The following FTCD variants were observed in gnomAD, a reference collection of about 807,000 sequenced individuals.
FTCD encodes formimidoyltransferase cyclodeaminase.
Under a neutral mutation model 62.9 loss-of-function variants are expected in FTCD, and 76 were observed. That is an observed-to-expected ratio of 1.21 (90% CI 1.00 to 1.46). The LOEUF (loss-of-function observed/expected upper bound fraction) is 1.46. FTCD is among the 40% of genes most tolerant of loss of function. The pLI, the probability that FTCD is intolerant of heterozygous loss-of-function variation, is 0.00. For missense variants in FTCD, 845 were observed against 751.3 expected (o/e 1.12, Z -1.46); for synonymous variants, 397 against 336.9 (o/e 1.18, Z -1.95).
intron 7 of FTCD, among the ~76,000 whole-genome samples, chr21:46,147,096 TG>T (rs2079164979): frequency 6.6e-6 from 1 of 152,228 alleles, no homozygotes; most frequent in Non-Finnish European, 1.5e-5. Context: ...AGCCTGGAGC[TG>T]GGTCTGCCCT....
At chr21:46,141,407 A>C (rs2079002884) in intron 10 of FTCD, among the ~76,000 whole-genome samples, 1 of 152,062 alleles carries the variant, frequency 6.6e-6, no homozygotes, top group Admixed American at 6.5e-5. Flanking sequence ...TTGGTTTTCC[A>C]AAATGCTAGG....
chr21:46,145,809 C>G lies in FTCD; in HGVS notation c.1098+9G>C. 5.1e-6 allele frequency: 5 copies of G among 973,772 alleles called. No homozygotes were observed. The highest frequency in any genetic ancestry group is 6.9e-6 in the Non-Finnish European group (5 of 727,434). 60.3% of individuals were successfully genotyped at this position (973,772 alleles called of 1,614,324 possible). A position where few individuals can be genotyped will look rare whatever the true frequency, so the allele number is the denominator to read the frequency against. On this transcript the variant is annotated intron_variant, in intron 9 of 13. Transcript: ENST00000397746. ...ACTGCGCCTCCCCTGCCCCTCCCCC[C>G]GCGCTCACCATGGCCGCAGCGGCCG...
In FTCD at chr21:46,137,325, T is replaced by C. The variant is rs2078892975; in HGVS notation, c.1453A>G (p.Lys485Glu). ...CCAAACACGCCCATCTCCAGGGCTTTGGCCGCCACCTGCAAGGACCCCAGG... is the reference window on the plus strand; with the variant it reads ...CCAAACACGCCCATCTCCAGGGCTTCGGCCGCCACCTGCAAGGACCCCAGG... Reference protein sequence around the residue: ...ACRSDLQVAAKALEMGVFGAY... With the variant: ...ACRSDLQVAAEALEMGVFGAY... Residue 485 changes from lysine (K) to glutamate (E), a missense_variant, in exon 13 of 14, where the codon AAA becomes GAA. Lys to Glu is a moderately conservative substitution (Grantham distance 56). Coordinates refer to ENST00000397746, the MANE Select transcript of FTCD (RefSeq NM_206965.2). The C allele has an allele frequency of 2.5e-6, 4 of 1,613,300 alleles. No individual in the cohort carries two copies. The highest frequency in any genetic ancestry group is 1.7e-5 in the Admixed American group (1 of 60,012).
At position 46,146,421 on chromosome 21, in the gene FTCD, C is replaced by T. The variant is rs895162736; in HGVS notation, c.907-94G>A. On this transcript the variant is annotated intron_variant, in intron 7 of 13. Transcript: ENST00000397746. ...CGGGTCCCACCCTTGCGGCAGCCGC[C>T]CCCTGCCCCGAGCACACAGGTGCTT... 5 of 858,056 alleles carry T rather than the reference C, an allele frequency of 5.8e-6. No homozygotes were observed. In the South Asian group the frequency reaches 7.1e-5, roughly 12 times the overall value. 53.2% of individuals were successfully genotyped at this position (858,056 alleles called of 1,614,324 possible).
chr21:46,141,884 G>A (rs759491689), intron 10 of FTCD, among the ~76,000 whole-genome samples: 5 of 152,210 alleles, frequency 3.3e-5, no homozygotes, highest in East Asian at 1.9e-4. Context: ...CAGAAAGCAG[G>A]GTTCTGCAAG....
At chr21:46,154,091 A>G in intron 2 of FTCD, 58 bp downstream of exon 2, 1 of 1,570,096 alleles carries the variant, frequency 6.4e-7, no homozygotes, top group South Asian at 1.1e-5. Context: ...ACACCAGGAC[A>G]GGGCTCGGCC....
At chr21:46,136,500 C>A, downstream of FTCD, 1 of 1,612,426 alleles carries the variant, frequency 6.2e-7, no homozygotes. Flanking sequence ...GGTTTCTGTC[C>A]CATGCACAGA....
In FTCD at chr21:46,155,572, G is replaced by A. The variant is rs763109545; in HGVS notation, c.-49C>T. 1.3e-6 allele frequency: 2 copies of A among 1,537,974 alleles called. No individual in the cohort carries two copies. The highest frequency in any genetic ancestry group is 1.1e-5 in the South Asian group (1 of 89,624). The stretch of plus-strand genomic sequence containing the variant: ...TCCTCTCTGGGCAGATGGAAGGACA[G>A]GGCCAGTGCTCCGCAGCCGCCGCCA... On this transcript the variant is annotated 5_prime_UTR_variant, in exon 1 of 14. Transcript: ENST00000397746.
rs2078882613 is a variant in FTCD, at chr21:46,137,005, C to T, written c.1608G>A (p.Leu536=). ...CGCACCGTCACTCCTGCCGGGTCTC[C>T]AAGCAGTCCAGCACCAGTGCAGCCT... is the stretch of plus-strand genomic sequence containing the variant. ...KTQAALVLDC[L]ETRQE is the part of the protein sequence containing the mutation. The change falls in exon 14 of 14, where the codon TTG becomes TTA. Residue 536 remains leucine (L), a synonymous_variant. Transcript: ENST00000397746. 2 of 1,613,510 alleles carry T rather than the reference C, an allele frequency of 1.2e-6. No homozygotes were observed. Among genetic ancestry groups the T allele is most frequent in the Non-Finnish European group, 8.5e-7 (1 of 1,180,006 alleles).
intron 10 of FTCD, among the ~76,000 whole-genome samples, chr21:46,145,169 G>A (rs1248469213): frequency 6.6e-6 from 1 of 152,184 alleles, no homozygotes; most frequent in Non-Finnish European, 1.5e-5. Context: ...CCCTTGTACC[G>A]GCTGCCATGG....
intron 7 of FTCD, among the ~76,000 whole-genome samples, chr21:46,149,727 C>T (rs1019314344): frequency 5.3e-4 from 81 of 152,192 alleles, no homozygotes; most frequent in African/African-American, 2.0e-3. Flanking sequence ...TCTGAAGGAG[C>T]CGCTCCGTGG....
In FTCD at chr21:46,151,552, G is replaced by C. The variant is rs1475731945; in HGVS notation, c.636+6C>G. ...GGGGCTCCATGGGGTCAGTGAACGG[G>C]GTCACCTGGTCCTTCCCGCGGCCCT... is the stretch of plus-strand genomic sequence containing the variant. On this transcript the variant is annotated splice_donor_region_variant and intron_variant, in intron 5 of 13. Transcript: ENST00000397746. 1 of 1,611,114 alleles carries C rather than the reference G, an allele frequency of 6.2e-7. No homozygotes were observed. Among genetic ancestry groups the C allele is most frequent in the Non-Finnish European group, 8.5e-7 (1 of 1,178,606 alleles).
chr21:46,139,255 G>A (rs1396714820), intron 10 of FTCD, among the ~76,000 whole-genome samples: 2 of 152,128 alleles, frequency 1.3e-5, no homozygotes, highest in Non-Finnish European at 2.9e-5. Flanking sequence ...GAGTGGCTCT[G>A]GGCCTGTGTC....
chr21:46,142,692 A>G (rs59140308), intron 10 of FTCD: 39,922 of 152,006 alleles, frequency 0.26, 5,923 homozygotes, highest in East Asian at 0.43. Flanking sequence ...CTTGGAACAG[A>G]ACCCGCCACG....
At chr21:46,140,586 AG>A (rs1336069268) in intron 10 of FTCD, among the ~76,000 whole-genome samples, 1 of 132,842 alleles carries the variant, frequency 7.5e-6, no homozygotes, top group African/African-American at 2.8e-5. Flanking sequence ...CGTGGCTCAC[AG>A]GGAGTGTAAA....
At position 46,151,725 on chromosome 21, in the gene FTCD, C is replaced by T. The variant is rs532226691; in HGVS notation, c.469G>A (p.Asp157Asn). 2.8e-4 allele frequency: 459 copies of T among 1,612,874 alleles called. No individual in the cohort carries two copies. Among genetic ancestry groups the T allele is most frequent in the Non-Finnish European group, 3.7e-4 (432 of 1,179,964 alleles). The change falls in exon 5 of 14, where the codon GAC becomes AAC. Residue 157 changes from aspartate to asparagine, a missense_variant. By Grantham distance (23) the Asp-to-Asn change is conservative. Transcript: ENST00000397746. ...CTGGGACCAAAGTCGGGCGCCCAGT[C>T]GGCCTGCTGGAGCTGTGAGCAAGTT... is the stretch of plus-strand genomic sequence containing the variant. ...EALPKKLQQA[D>N]WAPDFGPSSF... is the part of the protein sequence containing the mutation.
chr21:46,151,989 G>T lies in FTCD; in HGVS notation c.368-9C>A. ...CTCGCCGTACAGGTAAACTGCAGGA[G>T]AGCCCGGCGGTCAGGCCTGGACCGG... On this transcript the variant is annotated splice_polypyrimidine_tract_variant and intron_variant, in intron 3 of 13. Transcript: ENST00000397746. The T allele has an allele frequency of 1.3e-6, 2 of 1,554,402 alleles. No individual in the cohort carries two copies. The highest frequency in any genetic ancestry group is 1.7e-4 in the Middle Eastern group (1 of 5,944).
At chr21:46,136,565 A>C, downstream of FTCD, 2 of 1,581,460 alleles carry the variant, frequency 1.3e-6, no homozygotes, top group Non-Finnish European at 1.7e-6. Context: ...ACCTGCACTG[A>C]ACCCCAGGTC....
rs1156678022 is a variant in FTCD at position 46,153,988 on chromosome 21, C to T, written c.238+161G>A. 5.3e-5 allele frequency among the ~76,000 whole-genome samples: 8 copies of T among 152,180 alleles called. 1 individual carries two copies. Among genetic ancestry groups the T allele is most frequent in the Non-Finnish European group, 7.4e-5 (5 of 68,012 alleles). Reference sequence around the variant, plus strand: ...TGCAGGCAGGATGGGGGCCATGACCCCCACACTCCAGGGTCCTCCTAGGAG... The same window carrying T: ...TGCAGGCAGGATGGGGGCCATGACCTCCACACTCCAGGGTCCTCCTAGGAG... On this transcript the variant is annotated intron_variant, in intron 2 of 13. Coordinates refer to ENST00000397746, the MANE Select transcript of FTCD (RefSeq NM_206965.2).
Sources: allele counts gnomAD v4.1 joint callset (sites outside exome capture counted in the v4.1 genomes callset), GRCh38; gene constraint gnomAD v4.1.1; transcripts MANE v1.5; gene names NCBI Gene and HGNC (gene_info 2026-07-23, HGNC 2026-07-21).